The following ATF6 variants were observed in gnomAD, a reference collection of about 807,000 sequenced individuals.
ATF6 encodes the protein cyclic AMP-dependent transcription factor ATF-6 alpha.
A neutral mutation model predicts 83.6 loss-of-function variants in ATF6; 53 were observed. The ratio of observed to expected loss-of-function variants is 0.63; its 90% CI spans 0.51 to 0.80. ATF6 has a LOEUF of 0.80. ATF6 is among the 30% of genes least tolerant of loss of function. ATF6 has a pLI of 0.00. For synonymous variants in ATF6, 288 were observed against 285.8 expected (o/e 1.01, Z -0.08); for missense variants, 744 against 797.9 (o/e 0.93, Z 0.81).
At chr1:161,840,916 G>A (rs1051916574) in intron 9 of ATF6, among the ~76,000 whole-genome samples, 1 of 152,102 alleles carries the variant, frequency 6.6e-6, no homozygotes, top group African/African-American at 2.4e-5. Context: ...AACGTACTGA[G>A]TAGAACCTGA....
intron 15 of ATF6, among the ~76,000 whole-genome samples, chr1:161,937,595 G>A (rs928713571): frequency 2.6e-5 from 4 of 152,006 alleles, no homozygotes; most frequent in African/African-American, 4.8e-5. Context: ...TTGCAGGGAC[G>A]TGGATGAAGC....
chr1:161,956,852 TTAGATCTGTC>T (rs1688976408), intron 15 of ATF6, among the ~76,000 whole-genome samples: 1 of 152,214 alleles, frequency 6.6e-6, no homozygotes, highest in Non-Finnish European at 1.5e-5. Context: ...AATTGATAGA[TTAGATCTGTC>T]TAATAATTTT....
intron 7 of ATF6, among the ~76,000 whole-genome samples, chr1:161,813,095 A>T (rs575331849): frequency 3.7e-4 from 56 of 152,294 alleles, no homozygotes; most frequent in Admixed American, 7.8e-4. Context: ...GGGAAAAGAA[A>T]AAAGAAAAAA....
intron 14 of ATF6, among the ~76,000 whole-genome samples, chr1:161,883,212 C>T (rs932324232): frequency 1.3e-5 from 2 of 151,824 alleles, no homozygotes; most frequent in African/African-American, 4.8e-5. Context: ...TTAGACTTAC[C>T]CTTTTTCCAT....
intron 9 of ATF6, among the ~76,000 whole-genome samples, chr1:161,825,447 C>T (rs1031610704): frequency 6.6e-6 from 1 of 152,208 alleles, no homozygotes; most frequent in Non-Finnish European, 1.5e-5. Context: ...TTGCAAGTCC[C>T]AGGTTGTGAC....
intron 5 of ATF6, among the ~76,000 whole-genome samples, 197 bp from the exon 6 acceptor site, chr1:161,791,927 A>T (rs1162874229): frequency 6.6e-6 from 1 of 152,240 alleles, no homozygotes; most frequent in Non-Finnish European, 1.5e-5. Flanking sequence ...CAGCTTGGTT[A>T]GAAAAGGAGG....
At chr1:161,812,371 CTTTTTTTTTTTTTTTTTTTTTTTTTTT>C (rs869240831) in intron 7 of ATF6, among the ~76,000 whole-genome samples, 2 of 34,340 alleles carry the variant, frequency 5.8e-5, no homozygotes, top group Non-Finnish European at 1.1e-4. Flanking sequence ...CAGGTATTTT[CTTTTTTTTTTTTTTTTTTTTTTTTTTT>C]TTTTTTTTTT....
rs751161698 is a variant in ATF6, at chr1:161,802,005, C to A, written c.689-47C>A. The A allele has an allele frequency of 4.4e-6, 7 of 1,586,168 alleles. No homozygotes were observed. The South Asian group carries it at 7.8e-5, about 18-fold the overall frequency. On this transcript the variant is annotated intron_variant, in intron 6 of 15. Coordinates refer to ENST00000367942, the MANE Select transcript of ATF6 (RefSeq NM_007348.4). Reference sequence around the variant, plus strand: ...CCTAATTATAAGCTGCTTCCCCTGCCACAGTAGTTGTGTACCCTTTGATTC... The same window carrying A: ...CCTAATTATAAGCTGCTTCCCCTGCAACAGTAGTTGTGTACCCTTTGATTC...
chr1:161,933,480 A>G (rs12410839), intron 15 of ATF6, among the ~76,000 whole-genome samples: 35,093 of 152,122 alleles, frequency 0.23, 5,759 homozygotes, highest in African/African-American at 0.42. Context: ...CCCTTGACTT[A>G]TAAAGATTGC....
intron 15 of ATF6, among the ~76,000 whole-genome samples, chr1:161,951,221 T>C (rs920409378): frequency 6.6e-6 from 1 of 152,250 alleles, no homozygotes; most frequent in African/African-American, 2.4e-5. Flanking sequence ...TGGTTATGAA[T>C]TCAACAGATA....
intron 3 of ATF6, among the ~76,000 whole-genome samples, chr1:161,783,759 C>T (rs1684686468): frequency 6.6e-6 from 1 of 151,784 alleles, no homozygotes; most frequent in Non-Finnish European, 1.5e-5. Flanking sequence ...TACACACACA[C>T]ACAGACATAC....
At chr1:161,849,677 T>A (rs1686567288) in intron 10 of ATF6, among the ~76,000 whole-genome samples, 1 of 149,746 alleles carries the variant, frequency 6.7e-6, no homozygotes. Flanking sequence ...AAACTTTTTT[T>A]ATTTTCTTTC....
intron 1 of ATF6, among the ~76,000 whole-genome samples, chr1:161,769,972 C>G (rs1372191970): frequency 1.3e-5 from 2 of 152,124 alleles, no homozygotes; most frequent in East Asian, 3.9e-4. Flanking sequence ...AACCACTGTT[C>G]TATGGGTTTT....
intron 1 of ATF6, among the ~76,000 whole-genome samples, chr1:161,777,708 A>G (rs1203156749): frequency 6.6e-6 from 1 of 152,234 alleles, no homozygotes; most frequent in Non-Finnish European, 1.5e-5. Context: ...TCATTAGGAA[A>G]TTGGAATATA....
chr1:161,806,468 C>A (rs1685285329), intron 7 of ATF6, among the ~76,000 whole-genome samples: 1 of 152,092 alleles, frequency 6.6e-6, no homozygotes, highest in Non-Finnish European at 1.5e-5. Flanking sequence ...CAGTGGGCCA[C>A]ATTGGAGCAA....
chr1:161,890,741 G>C (rs1465580705), intron 14 of ATF6: 2 of 152,642 alleles, frequency 1.3e-5, no homozygotes, highest in African/African-American at 2.4e-5. Context: ...TGCTGAAGGC[G>C]TCTAGAGGAC....
At chr1:161,792,055 A>G in intron 5 of ATF6, 69 bp from the exon 6 acceptor site, 1 of 1,305,068 alleles carries the variant, frequency 7.7e-7, no homozygotes, top group Non-Finnish European at 1.1e-6. Context: ...GGTGTGTGAT[A>G]GAATCTGTTT....
intron 1 of ATF6, among the ~76,000 whole-genome samples, chr1:161,774,991 C>A (rs980649490): frequency 6.6e-6 from 1 of 152,046 alleles, no homozygotes; most frequent in African/African-American, 2.4e-5. Flanking sequence ...TGACCAATTC[C>A]AGGGCTGGGA....
chr1:161,815,740 C>G (rs1685597253), intron 7 of ATF6, among the ~76,000 whole-genome samples: 1 of 151,988 alleles, frequency 6.6e-6, no homozygotes, highest in Admixed American at 6.5e-5. Flanking sequence ...CCCAGGAGTT[C>G]AAGACCAGCC....
Sources: allele counts gnomAD v4.1 joint callset (sites outside exome capture counted in the v4.1 genomes callset), GRCh38; gene constraint gnomAD v4.1.1; transcripts MANE v1.5; gene names NCBI Gene and HGNC (gene_info 2026-07-23, HGNC 2026-07-21).